Variants in NCOA7 observed in about 807,000 individuals in gnomAD.
NCOA7 encodes the protein nuclear receptor coactivator 7, also known as 140 kDa estrogen receptor-associated protein.
NCOA7 carries 45 observed loss-of-function variants against 104.3 expected under a neutral mutation model. That is an observed-to-expected ratio of 0.43 (90% CI 0.34 to 0.55). The LOEUF is 0.55. Ranked by LOEUF, NCOA7 falls within the 20% of genes least tolerant of loss-of-function variation. The pLI is 0.02. For missense variants in NCOA7, 1,041 were observed against 1,119.7 expected, an observed-to-expected ratio of 0.93 and a Z score of 1.00; for synonymous variants, 398 against 402.3, an observed-to-expected ratio of 0.99 and a Z score of 0.13.
At chr6:125,801,850 C>T (rs1775917104) in intron 1 of NCOA7, among the ~76,000 whole-genome samples, 1 of 152,156 alleles carries the variant, frequency 6.6e-6, no homozygotes, top group Admixed American at 6.5e-5. Context: ...ACTGTATTTC[C>T]AAATAAGATC....
intron 5 of NCOA7, among the ~76,000 whole-genome samples, chr6:125,879,964 A>G (rs1041341584): frequency 6.6e-6 from 1 of 152,184 alleles, no homozygotes; most frequent in Non-Finnish European, 1.5e-5. Flanking sequence ...AGATTATGCC[A>G]CTGCACTCCA....
At chr6:125,894,271 C>T (rs753920955) in intron 10 of NCOA7, among the ~76,000 whole-genome samples, 1 of 152,154 alleles carries the variant, frequency 6.6e-6, no homozygotes, top group Non-Finnish European at 1.5e-5. Flanking sequence ...TATCTCCAGA[C>T]ATTGCCAAAA....
In NCOA7 at chr6:125,889,096, A is replaced by G. The variant is rs937693068; in HGVS notation, c.1042A>G (p.Ile348Val). 2.5e-6 allele frequency: 4 copies of G among 1,614,150 alleles called. No homozygotes were observed. In the Admixed American group the frequency reaches 6.7e-5, roughly 27 times the overall value. The change falls in exon 9 of 16, where the codon ATA becomes GTA. Residue 348 changes from isoleucine to valine, a missense_variant. Coordinates refer to ENST00000392477, the MANE Select transcript of NCOA7 (RefSeq NM_181782.5). ...AATTATGACTTCGGATTCCAGACCAATAGTACCTTTGGAGAAGTCCACAGG... is the reference window on the plus strand; with the variant it reads ...AATTATGACTTCGGATTCCAGACCAGTAGTACCTTTGGAGAAGTCCACAGG... ...EKIMTSDSRP[I>V]VPLEKSTGHT...
chr6:125,813,918 T>A (rs1777321270), intron 1 of NCOA7, among the ~76,000 whole-genome samples: 1 of 73,972 alleles, frequency 1.4e-5, no homozygotes, highest in South Asian at 7.1e-4. Context: ...TTTAGCTAAT[T>A]AAGTATTCCT....
intron 14 of NCOA7, 135 bp downstream of exon 14, chr6:125,927,893 C>A: frequency 1.3e-6 from 1 of 773,288 alleles, no homozygotes; most frequent in Non-Finnish European, 2.2e-6. Flanking sequence ...CCCTTTATGA[C>A]TGTAGCTCGC....
chr6:125,896,065 C>CAT lies in NCOA7; in HGVS notation c.2096+5267_2096+5268dup, dbSNP rs769020319. ...ATATACATAATACATATACATAATA[C>CAT]ATATATATATATAATGCAGTTAGCA... is the stretch of plus-strand genomic sequence containing the variant. On this transcript the variant is annotated intron_variant, in intron 10 of 15. Transcript: ENST00000392477. 5.3e-3 allele frequency among the ~76,000 whole-genome samples: 765 copies of CAT among 145,074 alleles called. 7 individuals are homozygous for CAT. Among genetic ancestry groups the CAT allele is most frequent in the African/African-American group, 0.018 (710 of 39,762 alleles).
chr6:125,814,743 G>A (rs1397660353), intron 1 of NCOA7, among the ~76,000 whole-genome samples: 1 of 152,184 alleles, frequency 6.6e-6, no homozygotes, highest in Non-Finnish European at 1.5e-5. Context: ...GCCATGCTGA[G>A]GAACAGCTTC....
chr6:125,888,908 C>T, intron 8 of NCOA7, 31 bp from the exon 9 acceptor site: 3 of 1,491,204 alleles, frequency 2.0e-6, no homozygotes, highest in Non-Finnish European at 2.7e-6. Context: ...TTTTAACATT[C>T]CATGTGCACC....
chr6:125,806,356 A>G (rs575636922), intron 1 of NCOA7, among the ~76,000 whole-genome samples: 2 of 152,150 alleles, frequency 1.3e-5, no homozygotes, highest in African/African-American at 4.8e-5. Context: ...AAATAAATAA[A>G]TAAAAGGTAC....
At chr6:125,909,811 G>C (rs1038076698) in intron 10 of NCOA7, among the ~76,000 whole-genome samples, 1 of 150,694 alleles carries the variant, frequency 6.6e-6, no homozygotes, top group African/African-American at 2.4e-5. Context: ...CCGTGTCTCA[G>C]AAAAAAAAAG....
chr6:125,904,833 G>T (rs1399338848), intron 10 of NCOA7, among the ~76,000 whole-genome samples: 2 of 152,150 alleles, frequency 1.3e-5, no homozygotes, highest in Non-Finnish European at 2.9e-5. Flanking sequence ...GAAATGCTCA[G>T]GTTTGCATTT....
intron 11 of NCOA7, chr6:125,919,456 C>T (rs370236866): frequency 7.5e-6 from 12 of 1,607,324 alleles, no homozygotes; most frequent in East Asian, 2.2e-5. Flanking sequence ...GTCCCGAGGG[C>T]TAATAAGGTG....
chr6:125,923,492 G>C (rs993639846), intron 13 of NCOA7, among the ~76,000 whole-genome samples: 1 of 152,182 alleles, frequency 6.6e-6, no homozygotes, highest in Admixed American at 6.5e-5. Context: ...AGTGGAATCT[G>C]TCCAGGTTTT....
At chr6:125,795,430 C>T (rs1775229635) in intron 1 of NCOA7, among the ~76,000 whole-genome samples, 1 of 152,180 alleles carries the variant, frequency 6.6e-6, no homozygotes, top group South Asian at 2.1e-4. Context: ...ATTCCCCTGT[C>T]ACCCATTTCA....
At chr6:125,851,654 A>T (rs927985449) in intron 2 of NCOA7, among the ~76,000 whole-genome samples, 23 of 152,196 alleles carry the variant, frequency 1.5e-4, no homozygotes, top group African/African-American at 5.5e-4. Flanking sequence ...ATATACTTTT[A>T]ATTTCTTCGA....
chr6:125,788,146 CCTT>C (rs1288494923), upstream of NCOA7, among the ~76,000 whole-genome samples: 1 of 152,162 alleles, frequency 6.6e-6, no homozygotes, highest in Non-Finnish European at 1.5e-5. Context: ...TAAAATTTGA[CCTT>C]CTATTTAGGG....
intron 1 of NCOA7, among the ~76,000 whole-genome samples, chr6:125,795,205 C>G (rs1361824236): frequency 6.6e-6 from 1 of 152,172 alleles, no homozygotes; most frequent in African/African-American, 2.4e-5. Context: ...TTGGTACAGT[C>G]TGGTAGCCTT....
Position 125,924,772 on chromosome 6 carries a change from G to A in NCOA7, c.2523+1938G>A, listed in dbSNP as rs144352258. Among the ~76,000 whole-genome samples, 24 of 152,192 alleles carry A rather than the reference G, an allele frequency of 1.6e-4. No homozygotes were observed. In the East Asian group the frequency reaches 3.7e-3, roughly 23 times the overall value. On this transcript the variant is annotated intron_variant, in intron 13 of 15. Coordinates refer to ENST00000392477, the MANE Select transcript of NCOA7 (RefSeq NM_181782.5). ...AACTCTCTCCCTTCCCTAACCCCCC[G>A]CTGAGACTGACAGTGGTTCCACTCT...
chr6:125,894,782 T>C (rs74682101), intron 10 of NCOA7, among the ~76,000 whole-genome samples: 2 of 151,942 alleles, frequency 1.3e-5, no homozygotes, highest in Admixed American at 6.6e-5. Flanking sequence ...TTTTTTTTTT[T>C]CCTAAATGGG....
Sources: gnomAD v4.1 joint callset for allele counts (sites outside exome capture counted in the v4.1 genomes callset) on GRCh38, gnomAD v4.1.1 for gene constraint, MANE v1.5 for transcripts, NCBI Gene and HGNC (gene_info 2026-07-23, HGNC 2026-07-21) for gene names.